RBM19: variants seen among roughly 807,000 people sequenced by gnomAD.
The protein encoded by RBM19 is probable RNA-binding protein 19.
RBM19 carries 94 observed loss-of-function variants against 116.8 expected under a neutral mutation model. The observed-to-expected ratio is 0.80, with a 90% CI of 0.68 to 0.95. The LOEUF (loss-of-function observed/expected upper bound fraction) is 0.95. RBM19 is among the 40% of genes least tolerant of loss of function. The pLI, the probability that RBM19 is intolerant of heterozygous loss-of-function variation, is 0.00. For missense variants in RBM19, 1,161 were observed against 1,220.7 expected (o/e 0.95, Z 0.73); for synonymous variants, 475 against 494.1 (o/e 0.96, Z 0.51).
chr12:113,891,492 T>C (rs1470284977), intron 21 of RBM19, among the ~76,000 whole-genome samples: 1 of 152,190 alleles, frequency 6.6e-6, no homozygotes, highest in Non-Finnish European at 1.5e-5. Context: ...CAGGGTTGGT[T>C]TGGACCTGGC....
intron 23 of RBM19, among the ~76,000 whole-genome samples, chr12:113,843,635 T>C (rs1876695805): frequency 6.6e-6 from 1 of 152,186 alleles, no homozygotes; most frequent in Non-Finnish European, 1.5e-5. Context: ...ACTTCTGTGA[T>C]GGGAGGCGGA....
chr12:113,939,186 G>T (rs997663510), intron 15 of RBM19, among the ~76,000 whole-genome samples: 3 of 152,112 alleles, frequency 2.0e-5, no homozygotes, highest in Non-Finnish European at 4.4e-5. Context: ...CATGCCTGTA[G>T]TCTCAGCTAC....
chr12:113,959,356 G>C lies in RBM19; in HGVS notation c.427C>G (p.Arg143Gly). 1 of 1,612,942 alleles carries C rather than the reference G, an allele frequency of 6.2e-7. No homozygotes were observed. The highest frequency in any genetic ancestry group is 8.5e-7 in the Non-Finnish European group (1 of 1,178,984). ...FQEFLSVHQR[R>G]AQAATWANDG... ...TTCGCCCAAGTGGCTGCCTGCGCCC[G>C]CCTCTGATGAACTGACAGAAACTCC... Residue 143 changes from arginine to glycine, a missense_variant, in exon 5 of 24, where the codon CGG becomes GGG. Arg to Gly is a moderately radical substitution (Grantham distance 125). Coordinates refer to ENST00000261741, the MANE Select transcript of RBM19 (RefSeq NM_016196.4).
At chr12:113,837,420 T>C (rs554676495) in intron 23 of RBM19, among the ~76,000 whole-genome samples, 1 of 152,116 alleles carries the variant, frequency 6.6e-6, no homozygotes, top group South Asian at 2.1e-4. Flanking sequence ...AAAGGAAGAG[T>C]GAGTGCCCCG....
chr12:113,845,947 G>C (rs1342963922), intron 22 of RBM19, among the ~76,000 whole-genome samples: 1 of 152,238 alleles, frequency 6.6e-6, no homozygotes, highest in African/African-American at 2.4e-5. Flanking sequence ...AAACGGGTAT[G>C]TTCATATATG....
rs1565998444 is a variant in RBM19, at chr12:113,889,069, G to T, written c.2558+25900C>A. Among the ~76,000 whole-genome samples, 3 of 152,262 alleles carry T rather than the reference G, an allele frequency of 2.0e-5. 1 individual carries two copies. The South Asian group carries it at 6.2e-4, about 32-fold the overall frequency. ...TCCCCGCATGCCAACAGAAACACTG[G>T]GATGCTCCCGGCTCCTCTGCTGTTT... On this transcript the variant is annotated intron_variant, in intron 21 of 23. Transcript: ENST00000261741.
chr12:113,936,165 ATTT>A (rs113778258), intron 16 of RBM19, among the ~76,000 whole-genome samples: 1 of 151,740 alleles, frequency 6.6e-6, no homozygotes, highest in Non-Finnish European at 1.5e-5. Context: ...ACTTATTATT[ATTT>A]TTTTTAACAT....
At position 113,938,082 on chromosome 12, in the gene RBM19, C is replaced by T. The variant is rs56662901; in HGVS notation, c.1939-946G>A. Among the ~76,000 whole-genome samples, 453 of 152,218 alleles carry T rather than the reference C, an allele frequency of 3.0e-3. 7 individuals are homozygous for T. Among genetic ancestry groups the T allele is most frequent in the African/African-American group, 0.01 (429 of 41,524 alleles). ...TTCCATATGTGCAAAATGAAGACAG[C>T]AGTCTTCTTGTCGGTGAAACAGACA... On this transcript the variant is annotated intron_variant, in intron 15 of 23. Transcript: ENST00000261741.
At chr12:113,936,014 A>G (rs1870026796) in intron 16 of RBM19, among the ~76,000 whole-genome samples, 1 of 152,106 alleles carries the variant, frequency 6.6e-6, no homozygotes, top group African/African-American at 2.4e-5. Flanking sequence ...TGGGCAACAG[A>G]GCAAGGCTCT....
In RBM19 at chr12:113,959,283, C is replaced by T; in HGVS notation, c.500G>A (p.Ser167Asn). 10 of 1,614,040 alleles carry T rather than the reference C, an allele frequency of 6.2e-6. No homozygotes were observed. Among genetic ancestry groups the T allele is most frequent in the Non-Finnish European group, 8.5e-6 (10 of 1,179,992 alleles). ...ATCGGAGTCGAAGTTCAGGTAGTCA[C>T]TGGCCGGCTTGCTCTTCCCTTTCGA... ...EPSKGKSKPA[S>N]DYLNFDSDSG... The change falls in exon 5 of 24, where the codon AGT becomes AAT. Residue 167 changes from serine (S) to asparagine (N), a missense_variant. Ser to Asn is a conservative substitution (Grantham distance 46, BLOSUM62 1). Coordinates refer to ENST00000261741, the MANE Select transcript of RBM19 (RefSeq NM_016196.4).
chr12:113,884,120 A>AG (rs1555235356), intron 21 of RBM19, among the ~76,000 whole-genome samples: 4 of 145,768 alleles, frequency 2.7e-5, no homozygotes, highest in African/African-American at 7.6e-5. Flanking sequence ...ACCAAAAAAA[A>AG]AAAAAAACAA....
intron 21 of RBM19, among the ~76,000 whole-genome samples, chr12:113,874,369 C>T (rs966602147): frequency 7.9e-5 from 12 of 152,164 alleles, no homozygotes; most frequent in African/African-American, 2.4e-4. Context: ...AAATAAGAAA[C>T]GGGGAGTGGG....
At position 113,920,532 on chromosome 12, in the gene RBM19, T is replaced by G. The variant is rs1868434648; in HGVS notation, c.2385+79A>C. On this transcript the variant is annotated intron_variant, in intron 19 of 23. Transcript: ENST00000261741. ...GTGTAGACTTCATACATATTCTCAC[T>G]CAATTTCAGAGGGCTGACGGGACCT... 2.3e-6 allele frequency: 3 copies of G among 1,289,444 alleles called. No individual in the cohort carries two copies. The South Asian group carries it at 3.6e-5, about 15-fold the overall frequency. 79.9% of individuals were successfully genotyped at this position (1,289,444 alleles called of 1,614,324 possible). A position where few individuals can be genotyped will look rare whatever the true frequency, so the allele number is the denominator to read the frequency against.
Position 113,927,228 on chromosome 12 carries a change from C to A in RBM19, c.2070G>T (p.Val690=). ...CATCTTCTGGGGTTTCGCCATCAGG[C>A]ACTGAACCCCCATCAAAACAAAAAC... ...MEKDPAEPET[V]PDGETPEDEN... is the part of the protein sequence containing the mutation. Residue 690 remains valine (V), a splice_region_variant and synonymous_variant, in exon 17 of 24, where the codon GTG becomes GTT. Coordinates refer to ENST00000261741, the MANE Select transcript of RBM19 (RefSeq NM_016196.4). 1 of 1,553,044 alleles carries A rather than the reference C, an allele frequency of 6.4e-7. No individual in the cohort carries two copies. The highest frequency in any genetic ancestry group is 1.2e-5 in the South Asian group (1 of 83,934).
intron 23 of RBM19, among the ~76,000 whole-genome samples, chr12:113,831,065 G>C (rs537079975): frequency 6.6e-6 from 1 of 152,326 alleles, no homozygotes; most frequent in South Asian, 2.1e-4. Context: ...CCATTCCTTG[G>C]GCCTGGTGCC....
chr12:113,935,506 G>A (rs1439336649), intron 16 of RBM19, among the ~76,000 whole-genome samples: 7 of 152,118 alleles, frequency 4.6e-5, no homozygotes, highest in Admixed American at 3.3e-4. Context: ...AGCAGGAGTC[G>A]GGCTTTCACA....
rs1169094897 is a variant in RBM19, at chr12:113,921,691, ATGT to A, written c.2306-1004_2306-1002del. On this transcript the variant is annotated intron_variant, in intron 18 of 23. Transcript: ENST00000261741. ...CAGTGCCACCCCATGGCGACTTTAA[ATGT>A]TCGTTCTGCAAGCAGATACTGCTCC... Among the ~76,000 whole-genome samples, 9 of 152,234 alleles carry A rather than the reference ATGT, an allele frequency of 5.9e-5. No homozygotes were observed. The East Asian group carries it at 1.7e-3, about 29-fold the overall frequency.
chr12:113,896,196 TG>T (rs1218958423), intron 21 of RBM19, among the ~76,000 whole-genome samples: 2 of 152,148 alleles, frequency 1.3e-5, no homozygotes, highest in Non-Finnish European at 2.9e-5. Context: ...AGAATGAGGA[TG>T]GAAGTGAAAA....
chr12:113,868,813 G>C (rs1879020376), intron 21 of RBM19, among the ~76,000 whole-genome samples: 1 of 152,196 alleles, frequency 6.6e-6, no homozygotes, highest in Admixed American at 6.5e-5. Flanking sequence ...ACTGTATACA[G>C]CAGGGAGCTT....
Sources: allele counts gnomAD v4.1 joint callset (sites outside exome capture counted in the v4.1 genomes callset), GRCh38; gene constraint gnomAD v4.1.1; transcripts MANE v1.5; gene names NCBI Gene and HGNC (gene_info 2026-07-23, HGNC 2026-07-21).